Variants in PHKB observed in about 807,000 individuals in gnomAD.
PHKB encodes phosphorylase b kinase regulatory subunit beta.
In PHKB, 122 loss-of-function variants were observed where a neutral mutation model predicts 152.1. That is an observed-to-expected ratio of 0.80 (90% CI 0.69 to 0.93). The LOEUF (loss-of-function observed/expected upper bound fraction) is 0.93. Ranked by LOEUF, PHKB falls within the 40% of genes least tolerant of loss-of-function variation. The pLI is 0.00. For synonymous variants in PHKB, 436 were observed against 464.9 expected (o/e 0.94, Z 0.80); for missense variants, 1,304 against 1,328.4 (o/e 0.98, Z 0.29).
At chr16:47,547,132 A>G (rs745905049) in intron 6 of PHKB, among the ~76,000 whole-genome samples, 5 of 152,094 alleles carry the variant, frequency 3.3e-5, no homozygotes, top group Non-Finnish European at 7.4e-5. Context: ...ACTATTCCCA[A>G]TGAGGTGAAC....
At chr16:47,593,451 A>G (rs1321630664) in intron 10 of PHKB, 49 bp from the exon 11 acceptor site, 1 of 964,446 alleles carries the variant, frequency 1.0e-6, no homozygotes. Context: ...AAATAATAAT[A>G]ATAATTTAAT....
chr16:47,543,566 G>A (rs1398197254), intron 6 of PHKB, among the ~76,000 whole-genome samples: 2 of 152,180 alleles, frequency 1.3e-5, no homozygotes, highest in East Asian at 3.9e-4. Context: ...AATAGTTTCA[G>A]AAGGCATGGT....
Position 47,471,874 on chromosome 16 carries a change from T to C in PHKB, c.76+10448T>C, listed in dbSNP as rs528339587. On this transcript the variant is annotated intron_variant, in intron 1 of 30. Coordinates refer to ENST00000323584, the MANE Select transcript of PHKB (RefSeq NM_000293.3). Reference sequence around the variant, plus strand: ...ATCGAGACCACCCTGGCTAACGTGGTGAAACCCCCTCTCTACTAAAAATAC... The same window carrying C: ...ATCGAGACCACCCTGGCTAACGTGGCGAAACCCCCTCTCTACTAAAAATAC... Among the ~76,000 whole-genome samples, 5 of 152,214 alleles carry C rather than the reference T, an allele frequency of 3.3e-5. No homozygotes were observed. The South Asian group carries it at 1.0e-3, about 32-fold the overall frequency.
At chr16:47,581,672 A>G (rs371677028) in intron 8 of PHKB, among the ~76,000 whole-genome samples, 1 of 152,018 alleles carries the variant, frequency 6.6e-6, no homozygotes, top group African/African-American at 2.4e-5. Flanking sequence ...TCTTGTTGCT[A>G]TTGTTTTTTT....
chr16:47,591,143 A>G (rs1039769496), intron 10 of PHKB, among the ~76,000 whole-genome samples: 1 of 151,580 alleles, frequency 6.6e-6, no homozygotes, highest in Non-Finnish European at 1.5e-5. Context: ...CTCCATTTCT[A>G]CTTCTCTGTC....
chr16:47,463,321 A>G (rs1007983321), intron 1 of PHKB: 1 of 153,012 alleles, frequency 6.5e-6, no homozygotes, highest in African/African-American at 2.4e-5. Context: ...TGCAAAGTGC[A>G]TAGTATCAAT....
chr16:47,627,829 G>A (rs1284721789), intron 14 of PHKB, among the ~76,000 whole-genome samples: 1 of 152,216 alleles, frequency 6.6e-6, no homozygotes, highest in Non-Finnish European at 1.5e-5. Flanking sequence ...GTGTGTCTCA[G>A]TCAGGACATG....
chr16:47,610,159 ATTTT>A (rs371224839), intron 13 of PHKB, among the ~76,000 whole-genome samples: 5 of 99,428 alleles, frequency 5.0e-5, no homozygotes, highest in African/African-American at 1.2e-4. Context: ...TGCCCAGCTA[ATTTT>A]TTTTTTTTTT....
chr16:47,598,765 A>G, intron 13 of PHKB: 3 of 1,585,258 alleles, frequency 1.9e-6, no homozygotes, highest in Non-Finnish European at 1.7e-6. Flanking sequence ...CTAAAGAATC[A>G]CCTCTTCTAA....
At chr16:47,547,323 A>G (rs1286158005) in intron 6 of PHKB, 110 bp from the exon 7 acceptor site, 19 of 706,236 alleles carry the variant, frequency 2.7e-5, no homozygotes, top group Non-Finnish European at 4.9e-5. Context: ...ACCTCATGTA[A>G]TCCCTCCCCT....
At chr16:47,467,437 T>G (rs958323442) in intron 1 of PHKB, among the ~76,000 whole-genome samples, 1 of 152,218 alleles carries the variant, frequency 6.6e-6, no homozygotes, top group East Asian at 1.9e-4. Flanking sequence ...TCTGATAGTT[T>G]CCATGGAAAC....
intron 1 of PHKB, among the ~76,000 whole-genome samples, chr16:47,475,455 A>G (rs1412798459): frequency 1.3e-5 from 2 of 152,194 alleles, no homozygotes; most frequent in African/African-American, 4.8e-5. Context: ...AGTTTTGAGT[A>G]ACGGAACATT....
intron 13 of PHKB, among the ~76,000 whole-genome samples, chr16:47,605,561 G>C (rs1448589349): frequency 6.6e-6 from 1 of 152,138 alleles, no homozygotes; most frequent in African/African-American, 2.4e-5. Flanking sequence ...TCACATCTCA[G>C]TGATCATACA....
chr16:47,571,532 G>T (rs1233577139), intron 7 of PHKB, among the ~76,000 whole-genome samples: 5 of 152,132 alleles, frequency 3.3e-5, no homozygotes, highest in African/African-American at 4.8e-5. Context: ...CTGTCCATCT[G>T]CAGGAACACT....
At chr16:47,671,726 A>G (rs889348040) in intron 26 of PHKB, among the ~76,000 whole-genome samples, 5 of 152,190 alleles carry the variant, frequency 3.3e-5, no homozygotes, top group Non-Finnish European at 5.9e-5. Flanking sequence ...TACCATAAAG[A>G]TATATTTTGC....
chr16:47,648,697 C>G, intron 17 of PHKB, 81 bp downstream of exon 17: 1 of 873,774 alleles, frequency 1.1e-6, no homozygotes, highest in South Asian at 1.3e-5. Context: ...GCTATGCATC[C>G]TTTTTCATTT....
chr16:47,658,809 A>AGTGTGTGTGTGTGTGTGT (rs36066227), intron 20 of PHKB, among the ~76,000 whole-genome samples: 6 of 140,744 alleles, frequency 4.3e-5, no homozygotes, highest in African/African-American at 1.3e-4. Flanking sequence ...AATGCATGAC[A>AGTGTGTGTGTGTGTGTGT]GTGTGTGTGT....
chr16:47,536,050 ATATT>A (rs1460871922), intron 6 of PHKB, among the ~76,000 whole-genome samples: 1 of 152,120 alleles, frequency 6.6e-6, no homozygotes, highest in Admixed American at 6.6e-5. Context: ...AATGGTTATG[ATATT>A]TATTTATTTA....
chr16:47,578,604 C>T (rs756355009), intron 7 of PHKB, among the ~76,000 whole-genome samples: 8 of 152,086 alleles, frequency 5.3e-5, no homozygotes, highest in Non-Finnish European at 1.0e-4. Context: ...AGGAGTGCTT[C>T]ATTACTGGTT....
Sources: gnomAD v4.1 joint callset for allele counts (sites outside exome capture counted in the v4.1 genomes callset) on GRCh38, gnomAD v4.1.1 for gene constraint, MANE v1.5 for transcripts, NCBI Gene and HGNC (gene_info 2026-07-23, HGNC 2026-07-21) for gene names.